The following WNT9B variants were observed in gnomAD, a reference collection of about 807,000 sequenced individuals.
WNT9B encodes the protein Wnt family member 9B.
In WNT9B, 12 loss-of-function variants were observed where a neutral mutation model predicts 30.2. The observed-to-expected ratio is 0.40, with a 90% CI of 0.26 to 0.64. The LOEUF (loss-of-function observed/expected upper bound fraction) is 0.64, where lower values mean the gene tolerates loss of function less well. WNT9B is among the 30% of genes least tolerant of loss of function. WNT9B has a pLI of 0.42. For synonymous variants in WNT9B, 218 were observed against 216.9 expected (o/e 1.01, Z -0.05); for missense variants, 442 against 485.2 (o/e 0.91, Z 0.84).
intron 1 of WNT9B, among the ~76,000 whole-genome samples, chr17:46,839,924 CTTT>C: frequency 9.7e-6 from 1 of 102,868 alleles, no homozygotes; most frequent in South Asian, 3.1e-4. Flanking sequence ...TTCTTTCTTT[CTTT>C]CTTTCTTTCT....
intron 1 of WNT9B, among the ~76,000 whole-genome samples, chr17:46,846,026 G>T (rs2084772538): frequency 6.6e-6 from 1 of 151,744 alleles, no homozygotes; most frequent in African/African-American, 2.4e-5. Context: ...CCTGATCTCA[G>T]GTGCTCCACC....
At chr17:46,861,705 G>A (rs943216387) in intron 1 of WNT9B, among the ~76,000 whole-genome samples, 1 of 152,226 alleles carries the variant, frequency 6.6e-6, no homozygotes, top group African/African-American at 2.4e-5. Context: ...GGCTGAAGAG[G>A]AGGGTGAAGA....
intron 1 of WNT9B, among the ~76,000 whole-genome samples, chr17:46,834,893 C>CA (rs2084606776): frequency 6.6e-6 from 1 of 152,168 alleles, no homozygotes; most frequent in South Asian, 2.1e-4. Flanking sequence ...AGAAGCATTC[C>CA]AAAAAATGGC....
chr17:46,846,810 G>A (rs1490974338), upstream of WNT9B, among the ~76,000 whole-genome samples: 1 of 152,236 alleles, frequency 6.6e-6, no homozygotes. Flanking sequence ...AGGAACAGAA[G>A]TGAGAAGGCC....
chr17:46,872,649 G>A lies in WNT9B; in HGVS notation c.210G>A (p.Arg70=). ...LSRRQKQLCR[R]EPGLAETLRD... is the part of the protein sequence containing the mutation. ...GGCGGCAGAAGCAGCTCTGCCGGAGGGAGCCCGGCCTGGCTGAGACCCTGA... is the reference window on the plus strand; with the variant it reads ...GGCGGCAGAAGCAGCTCTGCCGGAGAGAGCCCGGCCTGGCTGAGACCCTGA... The change falls in exon 2 of 4, where the codon AGG becomes AGA. Residue 70 remains arginine (R), a synonymous_variant. Transcript: ENST00000290015. 1 of 1,613,658 alleles carries A rather than the reference G, an allele frequency of 6.2e-7. No individual in the cohort carries two copies. The highest frequency in any genetic ancestry group is 1.1e-5 in the South Asian group (1 of 91,040).
chr17:46,855,956 T>G (rs1439154692), intron 1 of WNT9B, among the ~76,000 whole-genome samples: 3 of 152,232 alleles, frequency 2.0e-5, no homozygotes, highest in Non-Finnish European at 4.4e-5. Flanking sequence ...CCCAAACTGC[T>G]GGGCTTATAG....
At chr17:46,868,751 C>G (rs911809330) in intron 1 of WNT9B, among the ~76,000 whole-genome samples, 5 of 152,144 alleles carry the variant, frequency 3.3e-5, no homozygotes, top group African/African-American at 9.7e-5. Flanking sequence ...ACAGAGGGAC[C>G]CAGTGAGTGG....
In WNT9B at chr17:46,875,129, G is replaced by A. The variant is rs112004045; in HGVS notation, c.363G>A (p.Ala121=). Residue 121 remains alanine (A), a synonymous_variant, in exon 3 of 4, where the codon GCG becomes GCA. Transcript: ENST00000290015. ...RGFKETAFLY[A]VSSAALTHTL... The stretch of plus-strand genomic sequence containing the variant: ...TCAAAGAGACAGCTTTCCTGTACGC[G>A]GTGTCCTCTGCCGCCCTCACCCACA... The A allele has an allele frequency of 1.9e-5, 31 of 1,613,894 alleles. No individual in the cohort carries two copies. The highest frequency in any genetic ancestry group is 8.0e-5 in the African/African-American group (6 of 75,048).
At chr17:46,856,651 T>C (rs536094797) in intron 1 of WNT9B, among the ~76,000 whole-genome samples, 4 of 152,002 alleles carry the variant, frequency 2.6e-5, no homozygotes, top group Non-Finnish European at 5.9e-5. Context: ...GCCCAGCTAA[T>C]TTTTGTATTT....
chr17:46,859,733 C>T (rs577934194), intron 1 of WNT9B, among the ~76,000 whole-genome samples: 12 of 152,218 alleles, frequency 7.9e-5, no homozygotes, highest in South Asian at 4.1e-4. Flanking sequence ...ACATGAAAGC[C>T]TCCTAGGATT....
At chr17:46,870,832 G>T (rs2085229277) in intron 1 of WNT9B, among the ~76,000 whole-genome samples, 1 of 151,748 alleles carries the variant, frequency 6.6e-6, no homozygotes, top group African/African-American at 2.4e-5. Context: ...TTGGCCAGTG[G>T]CACATGAGCA....
intron 1 of WNT9B, among the ~76,000 whole-genome samples, chr17:46,839,691 C>T (rs8082171): frequency 5.4e-4 from 82 of 152,100 alleles, no homozygotes; most frequent in African/African-American, 1.5e-3. Flanking sequence ...CAGTCCCCCC[C>T]GCCAAGAGGC....
chr17:46,842,197 G>A (rs1171468579), intron 1 of WNT9B, among the ~76,000 whole-genome samples: 1 of 152,216 alleles, frequency 6.6e-6, no homozygotes, highest in African/African-American at 2.4e-5. Context: ...TCGCCTCTCT[G>A]TGCCTCAGTT....
At chr17:46,839,247 A>G (rs2084670447) in intron 1 of WNT9B, among the ~76,000 whole-genome samples, 2 of 152,242 alleles carry the variant, frequency 1.3e-5, no homozygotes, top group African/African-American at 2.4e-5. Context: ...TGCTTATTCT[A>G]TTAGCTCTGA....
chr17:46,873,846 T>TG (rs2085297172), intron 2 of WNT9B, among the ~76,000 whole-genome samples: 1 of 151,908 alleles, frequency 6.6e-6, no homozygotes, highest in Non-Finnish European at 1.5e-5. Flanking sequence ...AAAAATTAGC[T>TG]GGCATGGTGG....
downstream of WNT9B, among the ~76,000 whole-genome samples, chr17:46,880,633 G>A (rs1223481226): frequency 6.6e-6 from 1 of 152,220 alleles, no homozygotes; most frequent in East Asian, 1.9e-4. Context: ...AGGAAATGGA[G>A]GTTGTGAGAT....
exon 5 of WNT9B, chr17:46,885,762 AG>A (rs1262128272): frequency 6.6e-6 from 1 of 152,320 alleles, no homozygotes; most frequent in Non-Finnish European, 1.5e-5. Flanking sequence ...TTGCCATAGC[AG>A]GCTTCCTGGT....
downstream of WNT9B, among the ~76,000 whole-genome samples, chr17:46,882,811 A>C (rs974963081): frequency 1.3e-5 from 2 of 152,158 alleles, no homozygotes; most frequent in Non-Finnish European, 2.9e-5. Context: ...TCCAGCCTTC[A>C]GGGAGGTCCC....
At chr17:46,856,969 T>A (rs1275190703) in intron 1 of WNT9B, among the ~76,000 whole-genome samples, 1 of 152,206 alleles carries the variant, frequency 6.6e-6, no homozygotes, top group East Asian at 1.9e-4. Flanking sequence ...TCAGTCACTA[T>A]GTGTTAGTTT....
Sources: allele counts gnomAD v4.1 joint callset (sites outside exome capture counted in the v4.1 genomes callset), GRCh38; gene constraint gnomAD v4.1.1; transcripts MANE v1.5; gene names NCBI Gene and HGNC (gene_info 2026-07-23, HGNC 2026-07-21).